The following PCDHA9 variants were observed in gnomAD, a reference collection of about 807,000 sequenced individuals.
PCDHA9 encodes protocadherin alpha-9.
Under a neutral mutation model 62.0 loss-of-function variants are expected in PCDHA9, and 62 were observed. The observed-to-expected ratio is 1.00, with a 90% CI of 0.81 to 1.23. The LOEUF is 1.23. PCDHA9 is among the 50% of genes most tolerant of loss of function. PCDHA9 has a pLI of 0.00. For missense variants in PCDHA9, 1,205 were observed against 1,249.8 expected (o/e 0.96, Z 0.54); for synonymous variants, 557 against 567.6 (o/e 0.98, Z 0.27).
At position 140,968,504 on chromosome 5, in the gene PCDHA9, C is replaced by T. The variant is rs147528189; in HGVS notation, c.2395-10445C>T. 58 of 1,614,064 alleles carry T rather than the reference C, an allele frequency of 3.6e-5. No individual in the cohort carries two copies. In the African/African-American group the frequency reaches 6.7e-4, roughly 19 times the overall value. ...CATGAATGACCATGCCCCTCACATT[C>T]TGTACCCTACCTCAACCAACTCGTC... On this transcript the variant is annotated intron_variant, in intron 1 of 3. Transcript: ENST00000532602.
chr5:140,882,124 C>T (rs1166492594), intron 1 of PCDHA9: 2 of 1,459,646 alleles, frequency 1.4e-6, no homozygotes, highest in African/African-American at 1.4e-5. Flanking sequence ...CCGTTTCTTT[C>T]TTCCTGCAGA....
At chr5:140,900,100 A>G (rs1453942019) in intron 1 of PCDHA9, among the ~76,000 whole-genome samples, 1 of 152,162 alleles carries the variant, frequency 6.6e-6, no homozygotes, top group African/African-American at 2.4e-5. Flanking sequence ...ATGCGCCACC[A>G]TACCTGGCCT....
intron 1 of PCDHA9, among the ~76,000 whole-genome samples, chr5:140,911,380 T>C (rs1365945638): frequency 4.6e-5 from 7 of 152,212 alleles, no homozygotes; most frequent in African/African-American, 1.7e-4. Flanking sequence ...AGGCTGTGCA[T>C]GCACCTTTCA....
Position 140,929,423 on chromosome 5 carries a change from C to T in PCDHA9, c.2395-49526C>T, listed in dbSNP as rs1435902323. 4.7e-6 allele frequency: 7 copies of T among 1,499,372 alleles called. No homozygotes were observed. In the Admixed American group the frequency reaches 7.1e-5, roughly 15 times the overall value. The allele number at this position is 1,499,372 out of a possible 1,614,324, so 92.9% of individuals were successfully genotyped here. A position where few individuals can be genotyped will look rare whatever the true frequency, so the allele number is the denominator to read the frequency against. The stretch of plus-strand genomic sequence containing the variant: ...AGACAAGCCTTTCACAACATTTCAT[C>T]AATTGAACTAAACACTCCTTCTTAG... On this transcript the variant is annotated intron_variant, in intron 1 of 3. Transcript: ENST00000532602.
At chr5:140,975,017 G>A (rs1474947976) in intron 1 of PCDHA9, among the ~76,000 whole-genome samples, 1 of 152,154 alleles carries the variant, frequency 6.6e-6, no homozygotes, top group Non-Finnish European at 1.5e-5. Flanking sequence ...ACACAGCTGG[G>A]CTGTGTTGTC....
At chr5:140,943,608 T>C (rs1585137347) in intron 1 of PCDHA9, among the ~76,000 whole-genome samples, 1 of 152,184 alleles carries the variant, frequency 6.6e-6, no homozygotes, top group Non-Finnish European at 1.5e-5. Flanking sequence ...ATATAGACTT[T>C]GATTCATCTG....
At chr5:140,878,389 T>A (rs528504145) in intron 1 of PCDHA9, among the ~76,000 whole-genome samples, 1 of 152,360 alleles carries the variant, frequency 6.6e-6, no homozygotes, top group East Asian at 1.9e-4. Flanking sequence ...ATTTTCTTCA[T>A]TGCTCACAAA....
chr5:140,860,192 C>CATATATATATATATATATATATAT (rs143984774), intron 1 of PCDHA9: 72 of 146,840 alleles, frequency 4.9e-4, no homozygotes, highest in Middle Eastern at 3.6e-3. Context: ...GCTCTCCTTA[C>CATATATATATATATATATATATAT]ATATATATCT....
intron 1 of PCDHA9, chr5:140,877,674 G>A: frequency 1.9e-6 from 3 of 1,613,628 alleles, no homozygotes; most frequent in South Asian, 1.1e-5. Flanking sequence ...GGTGCGCGCC[G>A]GGCAAGCCCA....
At chr5:140,951,822 C>T (rs926525028) in intron 1 of PCDHA9, among the ~76,000 whole-genome samples, 11 of 152,152 alleles carry the variant, frequency 7.2e-5, no homozygotes, top group African/African-American at 2.7e-4. Flanking sequence ...AAAGTCTGAA[C>T]TCATTCCAGC....
chr5:140,899,050 G>A (rs1554188361), intron 1 of PCDHA9, among the ~76,000 whole-genome samples: 2 of 152,016 alleles, frequency 1.3e-5, no homozygotes, highest in African/African-American at 4.8e-5. Context: ...TGTATCCTGA[G>A]ACTTTGCTGA....
chr5:140,942,759 G>A (rs2093365403), intron 1 of PCDHA9, among the ~76,000 whole-genome samples: 1 of 152,074 alleles, frequency 6.6e-6, no homozygotes, highest in Admixed American at 6.6e-5. Context: ...AAATGAGATG[G>A]CATAATGTAT....
intron 1 of PCDHA9, chr5:140,969,549 C>A: frequency 1.6e-6 from 2 of 1,238,176 alleles, no homozygotes; most frequent in South Asian, 3.3e-5. Context: ...AGGCATGAAG[C>A]CTTGTCCATA....
rs1482087320 is a variant in PCDHA9 at position 140,849,791 on chromosome 5, G to C, written c.1296G>C (p.Ser432=). 5.0e-6 allele frequency: 8 copies of C among 1,598,446 alleles called. No individual in the cohort carries two copies. Among genetic ancestry groups the C allele is most frequent in the Non-Finnish European group, 6.8e-6 (8 of 1,167,932 alleles). ...ELVVTARDGG[S]PSLWATARVS... is the part of the protein sequence containing the mutation. ...TGGTTACCGCGCGGGACGGGGGCTC[G>C]CCTTCACTGTGGGCCACGGCCAGGG... The change falls in exon 1 of 4, where the codon TCG becomes TCC. Residue 432 remains serine (S), a synonymous_variant. Transcript: ENST00000532602.
chr5:140,898,965 G>T (rs2067069000), intron 1 of PCDHA9, among the ~76,000 whole-genome samples: 1 of 152,044 alleles, frequency 6.6e-6, no homozygotes, highest in Non-Finnish European at 1.5e-5. Flanking sequence ...GTGAATGGGA[G>T]TTCACTCATG....
intron 1 of PCDHA9, among the ~76,000 whole-genome samples, chr5:140,915,100 CACA>C (rs2076984171): frequency 6.6e-6 from 1 of 151,988 alleles, no homozygotes; most frequent in African/African-American, 2.4e-5. Context: ...CACGCACCAC[CACA>C]ACACCCACCT....
chr5:140,986,625 C>T (rs1312536887), intron 3 of PCDHA9, among the ~76,000 whole-genome samples: 2 of 152,122 alleles, frequency 1.3e-5, no homozygotes, highest in African/African-American at 4.8e-5. Flanking sequence ...TTACCTAAGG[C>T]AACAGTACAT....
At chr5:140,927,097 G>A in intron 1 of PCDHA9, 1 of 1,613,358 alleles carries the variant, frequency 6.2e-7, no homozygotes, top group Non-Finnish European at 8.5e-7. Context: ...CTTCGGGGTG[G>A]ATCTACCCAG....
intron 3 of PCDHA9, among the ~76,000 whole-genome samples, chr5:140,982,886 G>A (rs1310342145): frequency 1.3e-5 from 2 of 152,114 alleles, no homozygotes; most frequent in Admixed American, 6.6e-5. Flanking sequence ...GCCATGCAGA[G>A]AAGATCTGGT....
Sources: allele counts gnomAD v4.1 joint callset (sites outside exome capture counted in the v4.1 genomes callset), GRCh38; gene constraint gnomAD v4.1.1; transcripts MANE v1.5; gene names NCBI Gene and HGNC (gene_info 2026-07-23, HGNC 2026-07-21).